ATP13A5: variants seen among roughly 807,000 people sequenced by gnomAD.
ATP13A5 encodes the protein probable cation-transporting ATPase 13A5.
Under a neutral mutation model 150.2 loss-of-function variants are expected in ATP13A5, and 149 were observed. That is an observed-to-expected ratio of 0.99 (90% CI 0.87 to 1.14). The LOEUF (loss-of-function observed/expected upper bound fraction) is 1.14. Among genes scored for constraint, ATP13A5 ranks in the 50% most tolerant of loss-of-function variants. The pLI is 0.00. For missense variants in ATP13A5, 1,383 were observed against 1,449.3 expected (o/e 0.95, Z 0.74); for synonymous variants, 497 against 522.2 (o/e 0.95, Z 0.66).
chr3:193,334,981 G>T lies in ATP13A5; in HGVS notation c.1062C>A (p.Ile354=). The T allele has an allele frequency of 1.2e-6, 2 of 1,613,878 alleles. No homozygotes were observed. Among genetic ancestry groups the T allele is most frequent in the Non-Finnish European group, 1.7e-6 (2 of 1,179,840 alleles). ...KHVLFCGTEV[I]QVKPSGQGPV... ...GCCCCTGCCCAGAGGGCTTGACCTG[G>T]ATAACTTCTGTTCCACAGAAAAGGA... The change falls in exon 10 of 30, where the codon ATC becomes ATA. Residue 354 remains isoleucine, a synonymous_variant. Transcript: ENST00000342358.
intron 9 of ATP13A5, 44 bp downstream of exon 9, chr3:193,343,883 T>C (rs776127646): frequency 1.3e-6 from 2 of 1,596,828 alleles, no homozygotes; most frequent in Admixed American, 1.7e-5. Flanking sequence ...TTGATCTGAT[T>C]AGATGTCAGA....
chr3:193,299,311 T>C (rs1718307556), intron 24 of ATP13A5, 108 bp from the exon 25 acceptor site: 3 of 771,646 alleles, frequency 3.9e-6, no homozygotes, highest in Non-Finnish European at 4.1e-6. Flanking sequence ...TACTTTTTTT[T>C]CCCTCTTCAG....
intron 23 of ATP13A5, among the ~76,000 whole-genome samples, chr3:193,303,003 C>A (rs1462676218): frequency 6.6e-6 from 1 of 152,302 alleles, no homozygotes; most frequent in Middle Eastern, 3.4e-3. Flanking sequence ...CATAAATGCA[C>A]TGGGCCACAT....
At chr3:193,319,644 A>G (rs1258074941) in intron 16 of ATP13A5, among the ~76,000 whole-genome samples, 1 of 152,220 alleles carries the variant, frequency 6.6e-6, no homozygotes, top group Non-Finnish European at 1.5e-5. Context: ...GTCTTTTGTT[A>G]TAATAGCACA....
intron 10 of ATP13A5, among the ~76,000 whole-genome samples, chr3:193,334,610 T>A (rs1238084728): frequency 1.3e-5 from 2 of 152,136 alleles, no homozygotes; most frequent in Non-Finnish European, 2.9e-5. Flanking sequence ...GTGGCTGAAA[T>A]TGTTTTTTGG....
At chr3:193,319,771 C>G (rs1577347563) in intron 16 of ATP13A5, among the ~76,000 whole-genome samples, 1 of 151,604 alleles carries the variant, frequency 6.6e-6, no homozygotes, top group African/African-American at 2.4e-5. Flanking sequence ...GATCAGGGGT[C>G]AAAAAAACAA....
At chr3:193,326,940 GT>G in intron 13 of ATP13A5, 55 bp downstream of exon 13, 1 of 1,476,886 alleles carries the variant, frequency 6.8e-7, no homozygotes, top group Non-Finnish European at 9.5e-7. Flanking sequence ...ATGGATTTGA[GT>G]ATCATCCAGG....
intron 1 of ATP13A5, among the ~76,000 whole-genome samples, chr3:193,368,485 A>G (rs1370130502): frequency 6.6e-6 from 1 of 151,938 alleles, no homozygotes; most frequent in African/African-American, 2.4e-5. Flanking sequence ...TAGTCAAGAC[A>G]ATTTTTGAAA....
At chr3:193,288,712 G>A (rs928865568) in intron 26 of ATP13A5, among the ~76,000 whole-genome samples, 5 of 152,108 alleles carry the variant, frequency 3.3e-5, no homozygotes, top group African/African-American at 4.8e-5. Flanking sequence ...ACGTAGGCCT[G>A]TAGTAGATGT....
intron 5 of ATP13A5, 27 bp from the exon 6 acceptor site, chr3:193,354,223 G>A: frequency 2.5e-6 from 4 of 1,596,428 alleles, no homozygotes; most frequent in Non-Finnish European, 3.4e-6. Context: ...ATCCATTAGT[G>A]TCATAGCTAC....
intron 12 of ATP13A5, among the ~76,000 whole-genome samples, chr3:193,328,288 T>C (rs1312941179): frequency 6.6e-6 from 1 of 152,236 alleles, no homozygotes. Flanking sequence ...TTTGTTTCAT[T>C]CATTTATTTG....
intron 25 of ATP13A5, 22 bp downstream of exon 25, chr3:193,299,109 T>C (rs371120911): frequency 6.4e-7 from 1 of 1,562,844 alleles, no homozygotes; most frequent in Non-Finnish European, 8.7e-7. Context: ...AACAATATAG[T>C]TTTCTTTGCT....
At chr3:193,280,022 C>T (rs1717412393) in intron 27 of ATP13A5, among the ~76,000 whole-genome samples, 1 of 116,716 alleles carries the variant, frequency 8.6e-6, no homozygotes, top group Admixed American at 9.8e-5. Flanking sequence ...TACCTGTGTA[C>T]ATAATAATCT....
chr3:193,323,978 G>A (rs1218714017), intron 14 of ATP13A5: 1 of 152,064 alleles, frequency 6.6e-6, no homozygotes, highest in East Asian at 1.9e-4. Context: ...TAACTAACCA[G>A]TTAATTAGTG....
At chr3:193,326,969 C>A (rs148170643) in intron 13 of ATP13A5, 27 bp downstream of exon 13, 61 of 1,606,790 alleles carry the variant, frequency 3.8e-5, no homozygotes, top group Admixed American at 2.3e-4. Flanking sequence ...ACCAAACACA[C>A]CTTCCATTTT....
chr3:193,338,207 A>G (rs2108879685), intron 9 of ATP13A5, among the ~76,000 whole-genome samples: 1 of 152,292 alleles, frequency 6.6e-6, no homozygotes, highest in South Asian at 2.1e-4. Context: ...CTCTTTTTCT[A>G]ATTGAATACC....
At chr3:193,340,584 A>C (rs1437312348) in intron 9 of ATP13A5, among the ~76,000 whole-genome samples, 1 of 152,168 alleles carries the variant, frequency 6.6e-6, no homozygotes. Flanking sequence ...TCTCAAATAC[A>C]TCAGCAGCTT....
At chr3:193,315,947 AC>A (rs1482932869) in intron 17 of ATP13A5, among the ~76,000 whole-genome samples, 1 of 152,042 alleles carries the variant, frequency 6.6e-6, no homozygotes, top group Non-Finnish European at 1.5e-5. Flanking sequence ...ATTAACAACA[AC>A]TTCCTATTTC....
chr3:193,363,118 G>C (rs1218056060), intron 3 of ATP13A5, 118 bp downstream of exon 3: 1 of 1,252,628 alleles, frequency 8.0e-7, no homozygotes, highest in African/African-American at 1.5e-5. Context: ...CACTTTCTTT[G>C]ATACATAGCT....
Sources: allele counts gnomAD v4.1 joint callset (sites outside exome capture counted in the v4.1 genomes callset), GRCh38; gene constraint gnomAD v4.1.1; transcripts MANE v1.5; gene names NCBI Gene and HGNC (gene_info 2026-07-23, HGNC 2026-07-21).